PCSK5: variants seen among roughly 807,000 people sequenced by gnomAD.
PCSK5 encodes the protein prohormone convertase 5.
PCSK5 carries 129 observed loss-of-function variants against 233.2 expected under a neutral mutation model. The observed-to-expected ratio is 0.55, with a 90% CI of 0.48 to 0.64. The LOEUF (loss-of-function observed/expected upper bound fraction) is 0.64. PCSK5 is among the 30% of genes least tolerant of loss of function. PCSK5 has a pLI of 0.00. For synonymous variants in PCSK5, 825 were observed against 879.2 expected (o/e 0.94, Z 1.09); for missense variants, 2,076 against 2,430.1 (o/e 0.85, Z 3.06).
At chr9:76,083,226 A>C (rs1830922817) in intron 7 of PCSK5, among the ~76,000 whole-genome samples, 1 of 148,918 alleles carries the variant, frequency 6.7e-6, no homozygotes, top group Admixed American at 6.8e-5. Flanking sequence ...AAAAAAAAAA[A>C]AGAAGAAGTA....
intron 33 of PCSK5, among the ~76,000 whole-genome samples, chr9:76,331,952 A>T (rs1829548473): frequency 6.6e-6 from 1 of 152,222 alleles, no homozygotes; most frequent in Admixed American, 6.5e-5. Flanking sequence ...CAAGTTGGGG[A>T]TACTTCATAG....
chr9:76,096,184 T>C, intron 8 of PCSK5, 82 bp downstream of exon 8: 1 of 709,592 alleles, frequency 1.4e-6, no homozygotes, highest in African/African-American at 2.2e-5. Flanking sequence ...TAAACATATA[T>C]ATATATACAC....
intron 1 of PCSK5, among the ~76,000 whole-genome samples, chr9:75,903,965 C>T (rs1226819003): frequency 6.6e-6 from 1 of 152,110 alleles, no homozygotes; most frequent in East Asian, 1.9e-4. Context: ...TCATCAATTT[C>T]GAAGTTTCTC....
intron 9 of PCSK5, among the ~76,000 whole-genome samples, chr9:76,121,214 G>A (rs1350977540): frequency 6.6e-6 from 1 of 151,776 alleles, no homozygotes; most frequent in Non-Finnish European, 1.5e-5. Context: ...CATTAGGAAT[G>A]AGATTTGGGT....
At chr9:76,057,832 CTTTTTTTT>C (rs36017305) in intron 5 of PCSK5, among the ~76,000 whole-genome samples, 2 of 67,078 alleles carry the variant, frequency 3.0e-5, no homozygotes, top group African/African-American at 1.2e-4. Context: ...TATTCAGGGG[CTTTTTTTT>C]TTTTTTTTTT....
At chr9:76,020,381 T>C (rs1563976459) in intron 3 of PCSK5, among the ~76,000 whole-genome samples, 1 of 152,194 alleles carries the variant, frequency 6.6e-6, no homozygotes, top group Non-Finnish European at 1.5e-5. Context: ...AGAAACATAT[T>C]TGGAAGCCTG....
chr9:76,309,427 C>G (rs528905397), intron 29 of PCSK5, among the ~76,000 whole-genome samples: 1 of 152,276 alleles, frequency 6.6e-6, no homozygotes, highest in African/African-American at 2.4e-5. Flanking sequence ...GGCATGATGG[C>G]TCATGCCTGT....
intron 9 of PCSK5, among the ~76,000 whole-genome samples, chr9:76,120,059 T>G (rs1451141468): frequency 6.6e-6 from 1 of 152,040 alleles, no homozygotes. Flanking sequence ...CGATGCTGTT[T>G]TCTTGTTTTA....
intron 2 of PCSK5, among the ~76,000 whole-genome samples, chr9:75,943,737 G>GTAAT (rs1824428841): frequency 6.6e-6 from 1 of 152,186 alleles, no homozygotes; most frequent in South Asian, 2.1e-4. Context: ...AGTACACAGT[G>GTAAT]TAATGCAATA....
chr9:76,267,666 C>T (rs947571132), intron 24 of PCSK5, among the ~76,000 whole-genome samples: 1 of 152,084 alleles, frequency 6.6e-6, no homozygotes, highest in African/African-American at 2.4e-5. Context: ...CAGTGGTGGC[C>T]TGCCCCATTG....
intron 10 of PCSK5, among the ~76,000 whole-genome samples, chr9:76,138,003 G>A (rs1309158889): frequency 6.6e-6 from 1 of 151,982 alleles, no homozygotes; most frequent in Non-Finnish European, 1.5e-5. Context: ...AAAAGTGAAG[G>A]CTTTTGCCAT....
rs115637121 is a variant in PCSK5, at chr9:76,018,999, C to T, written c.412-4739C>T. Among the ~76,000 whole-genome samples the T allele has an allele frequency of 6.3e-3, 958 of 152,290 alleles. 15 individuals are homozygous for T. The highest frequency in any genetic ancestry group is 0.02 in the African/African-American group (851 of 41,550). On this transcript the variant is annotated intron_variant, in intron 3 of 37. Coordinates refer to ENST00000674117, the MANE Select transcript of PCSK5 (RefSeq NM_001372043.1). ...TGTTTTAGTTTTAACACAAGAGTTA[C>T]ATAGTCCTATGCTGTGGTGTCAGAC...
intron 5 of PCSK5, among the ~76,000 whole-genome samples, chr9:76,030,122 A>G (rs1828593331): frequency 6.6e-6 from 1 of 151,938 alleles, no homozygotes; most frequent in African/African-American, 2.4e-5. Flanking sequence ...TTTCTCTCTG[A>G]AAAACAAAAA....
At chr9:76,155,014 A>G (rs918477829) in intron 10 of PCSK5, among the ~76,000 whole-genome samples, 39 of 152,090 alleles carry the variant, frequency 2.6e-4, no homozygotes, top group African/African-American at 7.0e-4. Context: ...CATTTTGTTT[A>G]TTTTCTGGAT....
intron 20 of PCSK5, among the ~76,000 whole-genome samples, chr9:76,199,345 T>C (rs1270515416): frequency 2.0e-5 from 3 of 152,204 alleles, no homozygotes; most frequent in Non-Finnish European, 2.9e-5. Context: ...GGTAAATATA[T>C]GGTATAATCT....
intron 20 of PCSK5, chr9:76,195,011 A>C (rs193067274): frequency 5.6e-6 from 1 of 177,698 alleles, no homozygotes; most frequent in Non-Finnish European, 1.2e-5. Flanking sequence ...CTAGACATCA[A>C]AGATAACTTA....
At chr9:75,906,414 A>T (rs1474110469) in intron 1 of PCSK5, among the ~76,000 whole-genome samples, 1 of 151,878 alleles carries the variant, frequency 6.6e-6, no homozygotes, top group African/African-American at 2.4e-5. Context: ...TTTAGTAGAG[A>T]TGGGGTTTCT....
intron 1 of PCSK5, among the ~76,000 whole-genome samples, chr9:75,923,976 T>A (rs936102564): frequency 2.0e-5 from 3 of 152,154 alleles, no homozygotes; most frequent in Admixed American, 6.6e-5. Flanking sequence ...TAATTGCTGC[T>A]TCCTCTTTTC....
chr9:76,058,242 A>G lies in PCSK5; in HGVS notation c.633-9713A>G, dbSNP rs115228600. 7.8e-3 allele frequency among the ~76,000 whole-genome samples: 1,191 copies of G among 152,216 alleles called. 17 individuals are homozygous for G. Among genetic ancestry groups the G allele is most frequent in the African/African-American group, 0.026 (1,090 of 41,532 alleles). On this transcript the variant is annotated intron_variant, in intron 5 of 37. Transcript: ENST00000674117. ...TCTATAAGCCTAGGCAGGTACATGCATTTTCGAGAGTGAGCAACCAACCTC... is the reference window on the plus strand; with the variant it reads ...TCTATAAGCCTAGGCAGGTACATGCGTTTTCGAGAGTGAGCAACCAACCTC...
Sources: gnomAD v4.1 joint callset for allele counts (sites outside exome capture counted in the v4.1 genomes callset) on GRCh38, gnomAD v4.1.1 for gene constraint, MANE v1.5 for transcripts, NCBI Gene and HGNC (gene_info 2026-07-23, HGNC 2026-07-21) for gene names.